The following MMP12 variants were observed in gnomAD, a reference collection of about 807,000 sequenced individuals.
MMP12 encodes the protein matrix metallopeptidase 12.
Under a neutral mutation model 45.2 loss-of-function variants are expected in MMP12, and 51 were observed. That is an observed-to-expected ratio of 1.13 (90% CI 0.90 to 1.42). The LOEUF (loss-of-function observed/expected upper bound fraction) is 1.42, where lower values mean the gene tolerates loss of function less well. Among genes scored for constraint, MMP12 ranks in the 40% most tolerant of loss-of-function variants. The pLI, the probability that MMP12 is intolerant of heterozygous loss-of-function variation, is 0.00. For missense variants in MMP12, 530 were observed against 570.8 expected (o/e 0.93, Z 0.73); for synonymous variants, 210 against 193.3 (o/e 1.09, Z -0.72).
intron 4 of MMP12, among the ~76,000 whole-genome samples, chr11:102,871,229 CA>C (rs1211443481): frequency 3.0e-4 from 44 of 146,214 alleles, no homozygotes; most frequent in African/African-American, 5.8e-4. Flanking sequence ...GACCTTGTCT[CA>C]AAAAAAAAAA....
Position 102,869,327 on chromosome 11 carries a change from G to A in MMP12, c.626-1258C>T, listed in dbSNP as rs899230696. Among the ~76,000 whole-genome samples the A allele has an allele frequency of 3.3e-5, 5 of 152,010 alleles. No individual in the cohort carries two copies. In the South Asian group the frequency reaches 1.0e-3, roughly 32 times the overall value. ...CAAATCAAGAATTTTCTGTATCATGGGTCCAGTAACCTTCCCAGCAAGACT... is the reference window on the plus strand; with the variant it reads ...CAAATCAAGAATTTTCTGTATCATGAGTCCAGTAACCTTCCCAGCAAGACT... On this transcript the variant is annotated intron_variant, in intron 4 of 9. Transcript: ENST00000571244.
chr11:102,868,765 C>T (rs1412215541), intron 4 of MMP12, among the ~76,000 whole-genome samples: 3 of 152,012 alleles, frequency 2.0e-5, no homozygotes, highest in African/African-American at 4.8e-5. Flanking sequence ...TTTTACTACA[C>T]ATGATTCTAA....
At chr11:102,873,591 C>A (rs782804413) in intron 1 of MMP12, among the ~76,000 whole-genome samples, 1 of 152,012 alleles carries the variant, frequency 6.6e-6, no homozygotes, top group Non-Finnish European at 1.5e-5. Flanking sequence ...CAGACACAGA[C>A]CCTGTCTCAA....
In MMP12 at chr11:102,865,683, G is replaced by T; in HGVS notation, c.1205+93C>A. The T allele has an allele frequency of 9.8e-7, 1 of 1,015,752 alleles. No homozygotes were observed. The highest frequency in any genetic ancestry group is 1.4e-6 in the Non-Finnish European group (1 of 718,288). The allele number at this position is 1,015,752 out of a possible 1,614,324, so 62.9% of individuals were successfully genotyped here. ...TCTCCCTGGAAGGTCAAGGAGCTTT[G>T]GGAATTTGCGCAGAAAATGTGCCTT... On this transcript the variant is annotated intron_variant, in intron 8 of 9. Transcript: ENST00000571244. The surrounding 1 kb of genome is among the most constrained non-coding windows in gnomAD (Gnocchi z 4.1).
chr11:102,863,404 C>A (rs540613530), intron 9 of MMP12, among the ~76,000 whole-genome samples: 1 of 152,174 alleles, frequency 6.6e-6, no homozygotes, highest in African/African-American at 2.4e-5. Context: ...GCCATCATCA[C>A]AAGACCTCAT....
In MMP12 at chr11:102,865,793, T is replaced by C; in HGVS notation, c.1188A>G (p.Val396=). ...AAACTCACCTCCAATACTGGTTATC[T>C]ACAAAGAAGTAGGTCCTATAAAAAC... ...NPRFYRTYFF[V]DNQYWRYDER... The change falls in exon 8 of 10, where the codon GTA becomes GTG. Residue 396 remains valine (V), a synonymous_variant. Coordinates refer to ENST00000571244, the MANE Select transcript of MMP12 (RefSeq NM_002426.6). This position sits in a 1 kb window ranked among gnomAD's most constrained non-coding sequence, Gnocchi z 4.1. The C allele has an allele frequency of 6.2e-7, 1 of 1,611,120 alleles. No individual in the cohort carries two copies. The highest frequency in any genetic ancestry group is 2.2e-5 in the East Asian group (1 of 44,782).
rs782330806 is a variant in MMP12, at chr11:102,871,901, G to C, written c.402C>G (p.Ile134Met). The C allele has an allele frequency of 1.2e-6, 2 of 1,613,690 alleles. No individual in the cohort carries two copies. Among genetic ancestry groups the C allele is most frequent in the Non-Finnish European group, 1.7e-6 (2 of 1,179,754 alleles). ...TACTCCATACTTGGAAAGCTTTCCG[G>C]ATTGCGTAGTCAACATCCTCACGGT... ...DMNREDVDYA[I>M]RKAFQVWSNV... The change falls in exon 3 of 10, where the codon ATC (isoleucine) becomes ATG (methionine). Residue 134 changes from isoleucine (I) to methionine (M), a missense_variant. By Grantham distance (10) the Ile-to-Met change is conservative (BLOSUM62 1). Transcript: ENST00000571244.
intron 4 of MMP12, among the ~76,000 whole-genome samples, chr11:102,869,462 T>C (rs886443591): frequency 6.6e-6 from 1 of 152,146 alleles, no homozygotes; most frequent in Non-Finnish European, 1.5e-5. Context: ...AATAATGGGT[T>C]TATGTTTGTA....
intron 9 of MMP12, among the ~76,000 whole-genome samples, 143 bp downstream of exon 9, chr11:102,863,993 GAGCCACGTAC>G (rs1192721811): frequency 6.6e-6 from 1 of 152,218 alleles, no homozygotes; most frequent in East Asian, 1.9e-4. Flanking sequence ...CTCCTATTCA[GAGCCACGTAC>G]AGTGTGAGTT....
At position 102,867,322 on chromosome 11, in the gene MMP12, T is replaced by C. The variant is rs782402600; in HGVS notation, c.859A>G (p.Ser287Gly). The change falls in exon 6 of 10, where the codon AGT (serine) becomes GGT (glycine). Residue 287 changes from serine (S) to glycine (G), a missense_variant. By Grantham distance (56) the Ser-to-Gly change is moderately conservative (BLOSUM62 0). Transcript: ENST00000571244. ...CCCACGGTAGTGACAGCATCAAAACTCAAATTGGGGTCACAGAGAGCTGGT... is the reference window on the plus strand; with the variant it reads ...CCCACGGTAGTGACAGCATCAAAACCCAAATTGGGGTCACAGAGAGCTGGT... ...SEPALCDPNL[S>G]FDAVTTVGNK... The C allele has an allele frequency of 6.2e-7, 1 of 1,610,702 alleles. No individual in the cohort carries two copies. The highest frequency in any genetic ancestry group is 1.1e-5 in the South Asian group (1 of 90,180).
chr11:102,865,749 G>A lies in MMP12; in HGVS notation c.1205+27C>T, dbSNP rs1859372718. 1 of 1,581,918 alleles carries A rather than the reference G, an allele frequency of 6.3e-7. No homozygotes were observed. The highest frequency in any genetic ancestry group is 1.3e-5 in the African/African-American group (1 of 74,212). On this transcript the variant is annotated intron_variant, in intron 8 of 9. Transcript: ENST00000571244. This position sits in a 1 kb window ranked among gnomAD's most constrained non-coding sequence, Gnocchi z 4.1. ...CCATATCTGTTTCACAATCTGAGGG[G>A]TCGAATGACCAACCATTAAAACTCA... is the stretch of plus-strand genomic sequence containing the variant.
rs200071421 is a variant in MMP12, at chr11:102,866,443, A to T, written c.917T>A (p.Phe306Tyr). ...NKIFFFKDRF[F>Y]WLKVSERPKT... ...TGGTCTCTCAGAAACCTTCAGCCAG[A>T]AGAACCTGACATGAAAGACATTTGA... The change falls in exon 7 of 10, where the codon TTC becomes TAC. Residue 306 changes from phenylalanine to tyrosine, a missense_variant. Coordinates refer to ENST00000571244, the MANE Select transcript of MMP12 (RefSeq NM_002426.6). The T allele has an allele frequency of 1.1e-5, 18 of 1,610,648 alleles. No individual in the cohort carries two copies. The highest frequency in any genetic ancestry group is 1.5e-5 in the Non-Finnish European group (18 of 1,178,690).
chr11:102,871,484 T>A (rs1859493966), intron 4 of MMP12, 110 bp downstream of exon 4: 1 of 1,313,042 alleles, frequency 7.6e-7, no homozygotes, highest in Non-Finnish European at 1.0e-6. Flanking sequence ...TATAATCATT[T>A]GTCAGAATGT....
chr11:102,866,079 G>T, intron 7 of MMP12, 144 bp from the exon 8 acceptor site: 2 of 874,012 alleles, frequency 2.3e-6, no homozygotes, highest in African/African-American at 1.7e-5. Context: ...TCTTTTCTAT[G>T]GTTCCCATGG....
chr11:102,872,968 T>C lies in MMP12; in HGVS notation c.247A>G (p.Thr83Ala), dbSNP rs1555009614. ...CGAGGTGCGTGCATCATCTCCAGGG[T>C]AGATGTGTCCAGTTGCCCGGTCACT... is the stretch of plus-strand genomic sequence containing the variant. ...LKVTGQLDTS[T>A]LEMMHAPRCG... is the part of the protein sequence containing the mutation. The change falls in exon 2 of 10, where the codon ACC (threonine) becomes GCC (alanine). Residue 83 changes from threonine (T) to alanine (A), a missense_variant. Physicochemically the swap from Thr to Ala is moderately conservative, Grantham distance 58. Coordinates refer to ENST00000571244, the MANE Select transcript of MMP12 (RefSeq NM_002426.6). 6.2e-7 allele frequency: 1 copy of C among 1,613,688 alleles called. No individual in the cohort carries two copies. Among genetic ancestry groups the C allele is most frequent in the Admixed American group, 1.7e-5 (1 of 59,996 alleles).
At position 102,867,336 on chromosome 11, in the gene MMP12, CAGAG is replaced by C. The variant is rs1390873278; in HGVS notation, c.841_844del (p.Leu281ValfsTer5). Reference sequence around the variant, plus strand: ...AGCATCAAAACTCAAATTGGGGTCACAGAGAGCTGGTTCTGAATTGTCAGGATTT... The same window carrying C: ...AGCATCAAAACTCAAATTGGGGTCACAGCTGGTTCTGAATTGTCAGGATTT... On this transcript the variant is annotated frameshift_variant, in exon 6 of 10. Coordinates refer to ENST00000571244, the MANE Select transcript of MMP12 (RefSeq NM_002426.6). LOFTEE classifies it high-confidence loss of function. 6.2e-7 allele frequency: 1 copy of C among 1,611,212 alleles called. No homozygotes were observed. The highest frequency in any genetic ancestry group is 2.2e-5 in the East Asian group (1 of 44,820).
chr11:102,867,883 C>T lies in MMP12; in HGVS notation c.787+25G>A. On this transcript the variant is annotated intron_variant, in intron 5 of 9. Transcript: ENST00000571244. ...CATAAAAGCGAGTATCTTTATATGG[C>T]AAAATGATAAAGAATTCAACTCACC... 3.1e-6 allele frequency: 5 copies of T among 1,592,894 alleles called. No individual in the cohort carries two copies. The South Asian group carries it at 5.7e-5, about 18-fold the overall frequency.
chr11:102,871,805 T>C lies in MMP12; in HGVS notation c.498A>G (p.Gly166=). 1 of 1,613,096 alleles carries C rather than the reference T, an allele frequency of 6.2e-7. No homozygotes were observed. Among genetic ancestry groups the C allele is most frequent in the Non-Finnish European group, 8.5e-7 (1 of 1,179,498 alleles). Residue 166 remains glycine (G), a splice_region_variant and synonymous_variant, in exon 3 of 10, where the codon GGA becomes GGG. Coordinates refer to ENST00000571244, the MANE Select transcript of MMP12 (RefSeq NM_002426.6). The part of the protein sequence containing the change: ...MADILVVFAR[G]AHGDFHAFDG... ...AAAGATGAAATACAAGTTCCCTACC[T>C]CCACGGGCAAAAACCACCAAAATGT... is the stretch of plus-strand genomic sequence containing the variant.
chr11:102,864,564 G>A (rs1859351883), intron 8 of MMP12, among the ~76,000 whole-genome samples: 1 of 152,168 alleles, frequency 6.6e-6, no homozygotes, highest in African/African-American at 2.4e-5. Context: ...CGATTCTTCA[G>A]TTGCCTGTCA....
Sources: gnomAD v4.1 joint callset for allele counts (sites outside exome capture counted in the v4.1 genomes callset) on GRCh38, gnomAD v4.1.1 for gene constraint, Gnocchi (gnomAD v3.1) non-coding constraint, MANE v1.5 for transcripts, NCBI Gene and HGNC (gene_info 2026-07-23, HGNC 2026-07-21) for gene names.